Variants in MTX2 observed in about 807,000 individuals in gnomAD.
The protein encoded by MTX2 is metaxin-2.
Under a neutral mutation model 42.3 loss-of-function variants are expected in MTX2, and 35 were observed. That is an observed-to-expected ratio of 0.83 (90% CI 0.63 to 1.10). The LOEUF (loss-of-function observed/expected upper bound fraction) is 1.10, where lower values mean the gene tolerates loss of function less well. Ranked by LOEUF, MTX2 falls within the 50% of genes least tolerant of loss-of-function variation. The probability of loss-of-function intolerance (pLI) is 0.00; values close to 1 mark genes in which losing one functional copy is unlikely to be tolerated. For synonymous variants in MTX2, 119 were observed against 100.9 expected, an observed-to-expected ratio of 1.18 and a Z score of -1.08; for missense variants, 307 against 304.1, an observed-to-expected ratio of 1.01 and a Z score of -0.07.
At chr2:176,325,145 C>G (rs1684679163) in intron 4 of MTX2, among the ~76,000 whole-genome samples, 1 of 151,734 alleles carries the variant, frequency 6.6e-6, no homozygotes, top group South Asian at 2.1e-4. Context: ...TAGATGACAT[C>G]CAAGGTCCTA....
intron 3 of MTX2, among the ~76,000 whole-genome samples, chr2:176,320,457 C>T (rs1229193116): frequency 6.6e-6 from 1 of 152,038 alleles, no homozygotes; most frequent in Admixed American, 6.6e-5. Flanking sequence ...ACAGTTATTT[C>T]AAACTCTTTT....
At chr2:176,283,095 T>C (rs1182777158) in intron 1 of MTX2, among the ~76,000 whole-genome samples, 1 of 152,206 alleles carries the variant, frequency 6.6e-6, no homozygotes, top group African/African-American at 2.4e-5. Context: ...TTAACCAGTT[T>C]GGCCAACATA....
intron 1 of MTX2, among the ~76,000 whole-genome samples, chr2:176,292,588 A>C (rs1046220991): frequency 3.9e-5 from 6 of 152,170 alleles, no homozygotes; most frequent in South Asian, 2.1e-4. Flanking sequence ...TGTGGATAAT[A>C]ATTTTCATGA....
At chr2:176,326,769 A>G in intron 4 of MTX2, 56 bp from the exon 5 acceptor site, 5 of 1,112,668 alleles carry the variant, frequency 4.5e-6, no homozygotes, top group Non-Finnish European at 6.4e-6. Context: ...TTTAATTATC[A>G]CAAACTTTAA....
intron 1 of MTX2, among the ~76,000 whole-genome samples, chr2:176,289,905 T>C (rs1693290991): frequency 6.6e-6 from 1 of 152,114 alleles, no homozygotes; most frequent in African/African-American, 2.4e-5. Flanking sequence ...TTTGGAGTAA[T>C]TGAGAAGCCA....
At chr2:176,283,587 A>G (rs1693128847) in intron 1 of MTX2, among the ~76,000 whole-genome samples, 1 of 152,224 alleles carries the variant, frequency 6.6e-6, no homozygotes, top group South Asian at 2.1e-4. Flanking sequence ...GAAGAGGAAT[A>G]GAGTTTTTTG....
In MTX2 at chr2:176,322,482, A is replaced by G. The variant is rs909593304; in HGVS notation, c.136-910A>G. On this transcript the variant is annotated intron_variant, in intron 3 of 9. Transcript: ENST00000249442. ...ACCATTGTAACTTATGACCTCCCCA[A>G]TTGAATAACTGAATTATTTTATAGA... Among the ~76,000 whole-genome samples the G allele has an allele frequency of 5.3e-5, 8 of 152,070 alleles. No homozygotes were observed. In the East Asian group the frequency reaches 1.3e-3, roughly 26 times the overall value.
intron 1 of MTX2, among the ~76,000 whole-genome samples, chr2:176,274,831 A>G (rs561920876): frequency 2.6e-5 from 4 of 152,330 alleles, no homozygotes; most frequent in Non-Finnish European, 4.4e-5. Context: ...GACTTTAATT[A>G]TATCAGCAGA....
At chr2:176,306,035 G>A (rs990495550) in intron 3 of MTX2, among the ~76,000 whole-genome samples, 2 of 152,038 alleles carry the variant, frequency 1.3e-5, no homozygotes, top group Non-Finnish European at 2.9e-5. Flanking sequence ...TTTACATTAG[G>A]TATTTCTCCT....
chr2:176,278,474 T>C (rs1385072760), intron 1 of MTX2, among the ~76,000 whole-genome samples: 1 of 152,234 alleles, frequency 6.6e-6, no homozygotes, highest in Non-Finnish European at 1.5e-5. Context: ...TTTAATTTAC[T>C]TAATGTGGTT....
chr2:176,270,141 A>G (rs1485257778), intron 1 of MTX2: 2 of 306,602 alleles, frequency 6.5e-6, no homozygotes, highest in African/African-American at 4.3e-5. Context: ...GCGACACAGT[A>G]GTGCCATTTG....
In MTX2 at chr2:176,289,090, G is replaced by A. The variant is rs1693271009; in HGVS notation, c.41-7770G>A. 2.0e-5 allele frequency among the ~76,000 whole-genome samples: 3 copies of A among 151,292 alleles called. No individual in the cohort carries two copies. The South Asian group carries it at 6.3e-4, about 32-fold the overall frequency. ...GGTTAGCAGTCATTTCATTAAAAAT[G>A]ATAATGGATTAATAGTAAGAATATT... On this transcript the variant is annotated intron_variant, in intron 1 of 9. Coordinates refer to ENST00000249442, the MANE Select transcript of MTX2 (RefSeq NM_006554.5).
chr2:176,317,698 G>A (rs34584857), intron 3 of MTX2, among the ~76,000 whole-genome samples: 9,084 of 152,096 alleles, frequency 0.06, 301 homozygotes, highest in Non-Finnish European at 0.08. Flanking sequence ...GAGCTGAGAG[G>A]GAGAGGGATC....
At position 176,328,332 on chromosome 2, in the gene MTX2, G is replaced by C. The variant is rs971759619; in HGVS notation, c.325G>C (p.Ala109Pro). ...TGATGGGCTGGAGGAAGTCCAAAAAGCAGAAATGAAAGCTTACATGGAATT... is the reference window on the plus strand; with the variant it reads ...TGATGGGCTGGAGGAAGTCCAAAAACCAGAAATGAAAGCTTACATGGAATT... ...LSDGLEEVQKAEMKAYMELVN... is the reference protein window; with the variant it reads ...LSDGLEEVQKPEMKAYMELVN... The change falls in exon 6 of 10, where the codon GCA (alanine) becomes CCA (proline). Residue 109 changes from alanine to proline, a missense_variant. Physicochemically the swap from Ala to Pro is conservative, Grantham distance 27 (BLOSUM62 -1). Transcript: ENST00000249442. 3 of 1,592,048 alleles carry C rather than the reference G, an allele frequency of 1.9e-6. No homozygotes were observed. The highest frequency in any genetic ancestry group is 2.6e-6 in the Non-Finnish European group (3 of 1,169,402).
In MTX2 at chr2:176,305,874, T is replaced by C. The variant is rs73036859; in HGVS notation, c.135+7979T>C. ...TAAATTCACTCTCTTTAAAGCTTTT[T>C]ATGCTTATTGAATTGTGGTTTCTGA... On this transcript the variant is annotated intron_variant, in intron 3 of 9. Coordinates refer to ENST00000249442, the MANE Select transcript of MTX2 (RefSeq NM_006554.5). Among the ~76,000 whole-genome samples the C allele has an allele frequency of 7.0e-3, 1,069 of 152,260 alleles. 12 individuals are homozygous for C. Among genetic ancestry groups the C allele is most frequent in the African/African-American group, 0.025 (1,031 of 41,564 alleles).
intron 3 of MTX2, among the ~76,000 whole-genome samples, chr2:176,317,636 T>C (rs1436706899): frequency 6.6e-6 from 1 of 152,136 alleles, no homozygotes; most frequent in Non-Finnish European, 1.5e-5. Context: ...ACCATCAATA[T>C]GTAGATTTTT....
chr2:176,307,420 T>G (rs1343237884), intron 3 of MTX2, among the ~76,000 whole-genome samples: 1 of 151,002 alleles, frequency 6.6e-6, no homozygotes, highest in African/African-American at 2.4e-5. Flanking sequence ...TGAACTTTAG[T>G]TTTTTCCAAT....
At chr2:176,275,576 T>C (rs553752221) in intron 1 of MTX2, among the ~76,000 whole-genome samples, 1 of 152,314 alleles carries the variant, frequency 6.6e-6, no homozygotes, top group African/African-American at 2.4e-5. Context: ...CTGGATATTA[T>C]TAAAAATAGT....
chr2:176,297,649 T>A (rs1324514649), intron 2 of MTX2, among the ~76,000 whole-genome samples, 200 bp from the exon 3 acceptor site: 2 of 152,100 alleles, frequency 1.3e-5, no homozygotes, highest in Non-Finnish European at 2.9e-5. Flanking sequence ...AAATAAGTGA[T>A]CAAATAGTTT....
Sources: allele counts gnomAD v4.1 joint callset (sites outside exome capture counted in the v4.1 genomes callset), GRCh38; gene constraint gnomAD v4.1.1; transcripts MANE v1.5; gene names NCBI Gene and HGNC (gene_info 2026-07-23, HGNC 2026-07-21).